ATG5: variants seen among roughly 807,000 people sequenced by gnomAD.
ATG5 encodes autophagy protein 5.
In ATG5, 14 loss-of-function variants were observed where a neutral mutation model predicts 36.5. That is an observed-to-expected ratio of 0.38 (90% CI 0.25 to 0.60). The LOEUF (loss-of-function observed/expected upper bound fraction) is 0.60. ATG5 is among the 20% of genes least tolerant of loss of function. The probability of loss-of-function intolerance (pLI) is 0.60; values close to 1 mark genes in which losing one functional copy is unlikely to be tolerated. For synonymous variants in ATG5, 95 were observed against 101.5 expected (o/e 0.94, Z 0.38); for missense variants, 195 against 326.7 (o/e 0.60, Z 3.11).
At chr6:106,190,785 AG>A in intron 7 of ATG5, among the ~76,000 whole-genome samples, 1 of 152,238 alleles carries the variant, frequency 6.6e-6, no homozygotes, top group Non-Finnish European at 1.5e-5. Context: ...TAACCACACA[AG>A]TCATTAATGG....
intron 5 of ATG5, among the ~76,000 whole-genome samples, chr6:106,275,331 C>T (rs1459277784): frequency 6.6e-6 from 1 of 152,114 alleles, no homozygotes; most frequent in Non-Finnish European, 1.5e-5. Context: ...TCTGAATAAA[C>T]AGAAAATAAA....
chr6:106,252,230 C>A (rs775751189), intron 5 of ATG5, among the ~76,000 whole-genome samples: 9 of 151,980 alleles, frequency 5.9e-5, no homozygotes, highest in Non-Finnish European at 1.3e-4. Context: ...ATACTTCTCG[C>A]CAGAGCTACA....
intron 1 of ATG5, among the ~76,000 whole-genome samples, chr6:106,319,565 C>G (rs568450324): frequency 6.6e-6 from 1 of 152,274 alleles, no homozygotes; most frequent in Non-Finnish European, 1.5e-5. Context: ...CCTAAAGCAG[C>G]CTTCTTTACC....
intron 7 of ATG5, among the ~76,000 whole-genome samples, chr6:106,197,439 G>A (rs974926441): frequency 8.7e-5 from 13 of 149,804 alleles, no homozygotes; most frequent in Admixed American, 3.4e-4. Context: ...ATTTGTTATA[G>A]TGTGGTTGCT....
At position 106,322,680 on chromosome 6, in the gene ATG5, A is replaced by G. The variant is rs2763222; in HGVS notation, c.-59+2846T>C. On this transcript the variant is annotated intron_variant, in intron 1 of 7. Coordinates refer to ENST00000369076, the MANE Select transcript of ATG5 (RefSeq NM_004849.4). ...GGGAGGAAATTTTGTAAATCTCTCC[A>G]AACTGTAAATGTTGAAATGCCCCAG... is the stretch of plus-strand genomic sequence containing the variant. Among the ~76,000 whole-genome samples, 1,168 of 152,250 alleles carry G rather than the reference A, an allele frequency of 7.7e-3. 20 individuals are homozygous for G. Among genetic ancestry groups the G allele is most frequent in the African/African-American group, 0.025 (1,028 of 41,520 alleles).
intron 7 of ATG5, among the ~76,000 whole-genome samples, chr6:106,194,872 C>T (rs1381395779): frequency 2.6e-5 from 4 of 152,022 alleles, no homozygotes; most frequent in Non-Finnish European, 5.9e-5. Context: ...TTGTATTCTC[C>T]AAGGTAAAAA....
intron 1 of ATG5, among the ~76,000 whole-genome samples, chr6:106,321,420 G>A (rs1314627680): frequency 2.6e-5 from 4 of 151,172 alleles, no homozygotes; most frequent in Admixed American, 2.0e-4. Flanking sequence ...GTGCAGTGGC[G>A]CCATCTCGGC....
intron 6 of ATG5, among the ~76,000 whole-genome samples, chr6:106,233,463 C>A (rs974956703): frequency 3.3e-5 from 5 of 152,152 alleles, no homozygotes; most frequent in African/African-American, 1.2e-4. Flanking sequence ...AGCTTGCCAA[C>A]GGGGCAAGAC....
intron 6 of ATG5, among the ~76,000 whole-genome samples, chr6:106,206,861 A>G (rs1283450345): frequency 6.6e-6 from 1 of 152,224 alleles, no homozygotes; most frequent in Non-Finnish European, 1.5e-5. Context: ...TGCAAAGAAG[A>G]CTAAATTATA....
At chr6:106,220,665 A>C (rs1777212228) in intron 6 of ATG5, among the ~76,000 whole-genome samples, 1 of 152,194 alleles carries the variant, frequency 6.6e-6, no homozygotes, top group Non-Finnish European at 1.5e-5. Context: ...TACCCAAAAG[A>C]AGGAACCACT....
At chr6:106,313,860 G>A (rs187718995) in intron 2 of ATG5, among the ~76,000 whole-genome samples, 149 of 152,166 alleles carry the variant, frequency 9.8e-4, no homozygotes, top group African/African-American at 3.4e-3. Context: ...TTCCTTGTAC[G>A]TATTAACTTA....
intron 5 of ATG5, 42 bp from the exon 6 acceptor site, chr6:106,248,286 T>A (rs762007033): frequency 7.0e-7 from 1 of 1,425,120 alleles, no homozygotes; most frequent in Non-Finnish European, 9.9e-7. Context: ...ATGAACAACA[T>A]TATAATGGAA....
chr6:106,276,465 A>AG (rs1491506509), intron 5 of ATG5, among the ~76,000 whole-genome samples: 2 of 54,290 alleles, frequency 3.7e-5, no homozygotes, highest in Non-Finnish European at 9.5e-5. Flanking sequence ...CTCTGTCTCC[A>AG]AAAAAAAAAA....
At chr6:106,290,889 T>A (rs894199552) in intron 4 of ATG5, among the ~76,000 whole-genome samples, 3 of 152,246 alleles carry the variant, frequency 2.0e-5, no homozygotes, top group African/African-American at 7.2e-5. Flanking sequence ...CTTTCAAGTT[T>A]ACAGTGGCAT....
intron 6 of ATG5, among the ~76,000 whole-genome samples, chr6:106,237,287 T>C (rs1483715879): frequency 6.6e-6 from 1 of 152,182 alleles, no homozygotes; most frequent in Admixed American, 6.5e-5. Flanking sequence ...AAAATTCAAA[T>C]CACACAATGC....
chr6:106,315,116 T>C (rs1283050143), intron 2 of ATG5, among the ~76,000 whole-genome samples: 1 of 152,146 alleles, frequency 6.6e-6, no homozygotes, highest in Admixed American at 6.5e-5. Context: ...AGTGAGCGAA[T>C]GGGCTCCTTA....
At chr6:106,258,680 T>A (rs1046609706) in intron 5 of ATG5, among the ~76,000 whole-genome samples, 1 of 152,122 alleles carries the variant, frequency 6.6e-6, no homozygotes, top group Non-Finnish European at 1.5e-5. Flanking sequence ...CACAGAAGAT[T>A]TTTAGTTACA....
At chr6:106,188,014 T>C (rs1427764333) in intron 7 of ATG5, among the ~76,000 whole-genome samples, 8 of 152,228 alleles carry the variant, frequency 5.3e-5, no homozygotes, top group Non-Finnish European at 2.9e-5. Flanking sequence ...ATAATACTAC[T>C]AACCTAAAAA....
chr6:106,244,992 A>C (rs564263468), intron 6 of ATG5, among the ~76,000 whole-genome samples: 2 of 152,350 alleles, frequency 1.3e-5, no homozygotes, highest in Admixed American at 1.3e-4. Flanking sequence ...CCACCTGTTT[A>C]CAAGTGCTAA....
Sources: gnomAD v4.1 joint callset for allele counts (sites outside exome capture counted in the v4.1 genomes callset) on GRCh38, gnomAD v4.1.1 for gene constraint, MANE v1.5 for transcripts, NCBI Gene and HGNC (gene_info 2026-07-23, HGNC 2026-07-21) for gene names.